The following REEP3 variants were observed in gnomAD, a reference collection of about 807,000 sequenced individuals.
The protein encoded by REEP3 is receptor expression-enhancing protein 3.
A neutral mutation model predicts 41.3 loss-of-function variants in REEP3; 20 were observed. The ratio of observed to expected loss-of-function variants is 0.48; its 90% confidence interval spans 0.34 to 0.70. REEP3 has a LOEUF of 0.70. Ranked by LOEUF, REEP3 falls within the 30% of genes least tolerant of loss-of-function variation. The pLI, the probability that REEP3 is intolerant of heterozygous loss-of-function variation, is 0.01. For missense variants in REEP3, 271 were observed against 308.8 expected (o/e 0.88, Z 0.92); for synonymous variants, 104 against 101.8 (o/e 1.02, Z -0.13).
intron 3 of REEP3, among the ~76,000 whole-genome samples, chr10:63,595,778 A>ATG (rs1391372337): frequency 6.6e-6 from 1 of 151,970 alleles, no homozygotes; most frequent in Non-Finnish European, 1.5e-5. Flanking sequence ...GGGTTTCACC[A>ATG]TGTTAGCCAG....
chr10:63,529,130 C>G (rs1259042484), intron 1 of REEP3, among the ~76,000 whole-genome samples: 1 of 152,132 alleles, frequency 6.6e-6, no homozygotes, highest in African/African-American at 2.4e-5. Context: ...GCCTTTTTTT[C>G]CCTCCTCCAG....
At chr10:63,539,613 C>G (rs1283975677) in intron 1 of REEP3, among the ~76,000 whole-genome samples, 1 of 152,118 alleles carries the variant, frequency 6.6e-6, no homozygotes, top group Non-Finnish European at 1.5e-5. Flanking sequence ...GGCAACATAG[C>G]AAGACCCCAT....
intron 1 of REEP3, among the ~76,000 whole-genome samples, chr10:63,559,425 A>T (rs1414616545): frequency 6.6e-6 from 1 of 152,128 alleles, no homozygotes; most frequent in Non-Finnish European, 1.5e-5. Context: ...TTATTTTTTT[A>T]AATAGTCCTG....
At chr10:63,602,327 G>A (rs1475783122) in intron 5 of REEP3, among the ~76,000 whole-genome samples, 2 of 152,286 alleles carry the variant, frequency 1.3e-5, no homozygotes, top group East Asian at 3.9e-4. Flanking sequence ...GGGTTTAAAG[G>A]AGTTGCATCG....
intron 1 of REEP3, among the ~76,000 whole-genome samples, chr10:63,525,599 A>G (rs896305778): frequency 5.3e-5 from 8 of 152,040 alleles, no homozygotes; most frequent in Non-Finnish European, 1.0e-4. Flanking sequence ...TTGTATTTTT[A>G]GTAGAGACGG....
In REEP3 at chr10:63,576,033, G is replaced by A. The variant is rs554356208; in HGVS notation, c.105+9623G>A. Among the ~76,000 whole-genome samples the A allele has an allele frequency of 9.9e-5, 15 of 152,176 alleles. No individual in the cohort carries two copies. In the South Asian group the frequency reaches 2.1e-3, roughly 21 times the overall value. On this transcript the variant is annotated intron_variant, in intron 2 of 7. Transcript: ENST00000373758. The stretch of plus-strand genomic sequence containing the variant: ...CAGGTGTGAGCCACTGTGCCTGGCC[G>A]GACATTTTCTTCTTTCTACATAGTC...
chr10:63,556,615 TTTTTTTTTTTGTTGTTTTG>T (rs1422690422), intron 1 of REEP3, among the ~76,000 whole-genome samples: 1,977 of 7,866 alleles, frequency 0.25, 263 homozygotes, highest in East Asian at 0.5. Context: ...TGTTTGCTTG[TTTTTTTTTTTGTTGTTTTG>T]TTTTTTTTTT....
intron 2 of REEP3, among the ~76,000 whole-genome samples, chr10:63,579,156 C>T (rs376997588): frequency 5.9e-5 from 9 of 152,008 alleles, no homozygotes; most frequent in African/African-American, 1.2e-4. Context: ...CTCAGCCTCC[C>T]GAGTAGCTAG....
At chr10:63,611,579 G>A (rs1282629330) in intron 6 of REEP3, among the ~76,000 whole-genome samples, 1 of 151,972 alleles carries the variant, frequency 6.6e-6, no homozygotes, top group East Asian at 1.9e-4. Context: ...TAATTCAAAG[G>A]CAAGGCTGAA....
chr10:63,539,944 A>G (rs1955513518), intron 1 of REEP3, among the ~76,000 whole-genome samples: 1 of 152,204 alleles, frequency 6.6e-6, no homozygotes, highest in Admixed American at 6.5e-5. Flanking sequence ...TAGTGTCAGG[A>G]AACGGTCACA....
At chr10:63,553,364 G>A (rs955813622) in intron 1 of REEP3, among the ~76,000 whole-genome samples, 3 of 152,058 alleles carry the variant, frequency 2.0e-5, no homozygotes, top group Non-Finnish European at 4.4e-5. Flanking sequence ...ATTAAAAAGC[G>A]ATAGCAAGTT....
At chr10:63,558,281 T>C (rs1955708930) in intron 1 of REEP3, among the ~76,000 whole-genome samples, 2 of 152,244 alleles carry the variant, frequency 1.3e-5, no homozygotes, top group South Asian at 4.1e-4. Context: ...CGTGAGGTTA[T>C]GGTGCTGTGT....
intron 6 of REEP3, among the ~76,000 whole-genome samples, chr10:63,615,162 G>A (rs1165327012): frequency 6.6e-6 from 1 of 152,148 alleles, no homozygotes; most frequent in Non-Finnish European, 1.5e-5. Flanking sequence ...AAGTTTGGAA[G>A]GGTATTACTA....
intron 1 of REEP3, among the ~76,000 whole-genome samples, chr10:63,554,229 G>C (rs1955656759): frequency 6.6e-6 from 1 of 152,112 alleles, no homozygotes; most frequent in African/African-American, 2.4e-5. Context: ...CAACTCCTCT[G>C]AGTCAAGAGT....
chr10:63,618,741 C>G (rs746471203), intron 6 of REEP3, among the ~76,000 whole-genome samples: 1 of 152,234 alleles, frequency 6.6e-6, no homozygotes, highest in Non-Finnish European at 1.5e-5. Flanking sequence ...CACCTCAAAT[C>G]TGCTGAATCA....
intron 2 of REEP3, among the ~76,000 whole-genome samples, chr10:63,593,319 C>A (rs541512193): frequency 1.3e-5 from 2 of 152,268 alleles, no homozygotes; most frequent in South Asian, 4.1e-4. Context: ...TGGTAGTCAT[C>A]CTTGGACCCT....
intron 5 of REEP3, among the ~76,000 whole-genome samples, chr10:63,603,373 A>G (rs913274731): frequency 1.3e-4 from 19 of 151,080 alleles, no homozygotes; most frequent in African/African-American, 3.6e-4. Flanking sequence ...AATAAGCATT[A>G]TCTCACAGGA....
intron 1 of REEP3, among the ~76,000 whole-genome samples, chr10:63,556,557 A>T (rs757952262): frequency 2.0e-5 from 3 of 151,312 alleles, no homozygotes; most frequent in Non-Finnish European, 4.4e-5. Context: ...ATCATTTTTA[A>T]AATTGGTGGG....
intron 2 of REEP3, among the ~76,000 whole-genome samples, chr10:63,575,254 A>T (rs1202966060): frequency 6.6e-6 from 1 of 152,182 alleles, no homozygotes; most frequent in Non-Finnish European, 1.5e-5. Flanking sequence ...GTTGCTGTTG[A>T]GAAGGCTGAA....
Sources: allele counts gnomAD v4.1 joint callset (sites outside exome capture counted in the v4.1 genomes callset), GRCh38; gene constraint gnomAD v4.1.1; transcripts MANE v1.5; gene names NCBI Gene and HGNC (gene_info 2026-07-23, HGNC 2026-07-21).